Variants in PCDHA2 observed in about 807,000 individuals in gnomAD.
PCDHA2 encodes protocadherin alpha-2.
Under a neutral mutation model 66.0 loss-of-function variants are expected in PCDHA2, and 58 were observed. The observed-to-expected ratio is 0.88, with a 90% CI of 0.71 to 1.09. The LOEUF (loss-of-function observed/expected upper bound fraction) is 1.09. PCDHA2 is among the 50% of genes least tolerant of loss of function. PCDHA2 has a pLI of 0.00. For missense variants in PCDHA2, 1,267 were observed against 1,242.3 expected (o/e 1.02, Z -0.30); for synonymous variants, 634 against 554.0 (o/e 1.14, Z -2.03).
intron 1 of PCDHA2, chr5:140,968,967 A>G (rs782494657): frequency 2.5e-6 from 4 of 1,614,216 alleles, no homozygotes; most frequent in East Asian, 2.2e-5. Context: ...TGCTACCGCT[A>G]CACTGCGTAT....
At chr5:140,968,673 A>G in intron 1 of PCDHA2, 2 of 1,614,168 alleles carry the variant, frequency 1.2e-6, no homozygotes, top group Non-Finnish European at 1.7e-6. Context: ...TTTAAGGTAG[A>G]GCTGCACACA....
intron 1 of PCDHA2, chr5:140,802,047 G>C (rs1361472766): frequency 6.2e-7 from 1 of 1,614,032 alleles, no homozygotes; most frequent in Non-Finnish European, 8.5e-7. Context: ...TTTCAATACG[G>C]ACATGTCAGC....
At chr5:140,975,154 G>C (rs73268051) in intron 1 of PCDHA2, among the ~76,000 whole-genome samples, 1,571 of 152,266 alleles carry the variant, frequency 0.01, 23 homozygotes, top group African/African-American at 0.036. Flanking sequence ...TCAGTTCCTA[G>C]AGAACTGAGG....
At chr5:140,857,192 G>A in intron 1 of PCDHA2, 2 of 1,598,474 alleles carry the variant, frequency 1.3e-6, no homozygotes, top group Non-Finnish European at 1.7e-6. Context: ...AGGAGCCAAC[G>A]GACAGGTCAC....
At chr5:140,928,109 A>C (rs1472439079) in intron 1 of PCDHA2, 1 of 1,613,986 alleles carries the variant, frequency 6.2e-7, no homozygotes, top group African/African-American at 1.3e-5. Context: ...CTGGACCGGG[A>C]GCAGATCAGT....
In PCDHA2 at chr5:140,928,550, C is replaced by T. The variant is rs781857799; in HGVS notation, c.2389-50399C>T. The T allele has an allele frequency of 3.7e-6, 6 of 1,614,160 alleles. No individual in the cohort carries two copies. Among genetic ancestry groups the T allele is most frequent in the South Asian group, 3.3e-5 (3 of 91,084 alleles). On this transcript the variant is annotated intron_variant, in intron 1 of 3. Transcript: ENST00000526136. ...GTGGTAGATAGGAATGACAATTATC[C>T]GGTTATCTTGTTTCCCTTGCCCAGA...
At chr5:140,834,771 C>T (rs2150226115) in intron 1 of PCDHA2, 18 of 1,613,874 alleles carry the variant, frequency 1.1e-5, no homozygotes, top group Middle Eastern at 3.3e-4. Flanking sequence ...TAACGACAAC[C>T]CTCCGGTGTT....
intron 1 of PCDHA2, among the ~76,000 whole-genome samples, chr5:140,901,870 TTTC>T (rs2068953949): frequency 6.6e-6 from 1 of 152,202 alleles, no homozygotes. Flanking sequence ...TCCTCTTCAA[TTTC>T]TTTCATCAGC....
chr5:140,975,527 A>G (rs782267941), intron 1 of PCDHA2, among the ~76,000 whole-genome samples: 2 of 152,220 alleles, frequency 1.3e-5, no homozygotes, highest in Non-Finnish European at 2.9e-5. Context: ...CAGTGGATAT[A>G]TTCTTAATAC....
chr5:140,836,420 G>T, intron 1 of PCDHA2: 1 of 1,613,810 alleles, frequency 6.2e-7, no homozygotes. Flanking sequence ...CAAAGGCGTC[G>T]TCGCGGGCAT....
chr5:140,953,809 G>A (rs1244835717), intron 1 of PCDHA2, among the ~76,000 whole-genome samples: 2 of 152,168 alleles, frequency 1.3e-5, no homozygotes, highest in East Asian at 1.9e-4. Context: ...GTTCTGAGGT[G>A]CATGTGCTAG....
chr5:140,884,285 G>A, intron 1 of PCDHA2: 1 of 1,613,598 alleles, frequency 6.2e-7, no homozygotes. Flanking sequence ...GGTGGAGAGC[G>A]GCCAAGCGCC....
At chr5:140,823,972 C>G (rs140039635) in intron 1 of PCDHA2, 2 of 1,614,108 alleles carry the variant, frequency 1.2e-6, no homozygotes, top group African/African-American at 1.3e-5. Context: ...CGTGTGCACA[C>G]GGGGCAAGCC....
At chr5:141,000,854 G>A (rs2097968530) in intron 3 of PCDHA2, among the ~76,000 whole-genome samples, 1 of 152,010 alleles carries the variant, frequency 6.6e-6, no homozygotes, top group Non-Finnish European at 1.5e-5. Flanking sequence ...CTGGCAGTCA[G>A]CCATGACCTC....
chr5:140,905,215 AAGGTG>A (rs2071683869), intron 1 of PCDHA2, among the ~76,000 whole-genome samples: 1 of 152,186 alleles, frequency 6.6e-6, no homozygotes, highest in Non-Finnish European at 1.5e-5. Flanking sequence ...ATTTTTGTGT[AAGGTG>A]AGAGATGAGG....
intron 1 of PCDHA2, among the ~76,000 whole-genome samples, chr5:140,900,339 G>A (rs1019458960): frequency 7.2e-5 from 11 of 151,812 alleles, no homozygotes; most frequent in East Asian, 2.0e-4. Context: ...GTACCGTGGC[G>A]CAATCTTGGC....
rs371069140 is a variant in PCDHA2, at chr5:141,011,291, A to G, written c.*1354A>G. ...CTCTTTGGTTTAGTTTTCCTTTTCT[A>G]TAACACTCTGAATTGCTAATCTTAC... is the stretch of plus-strand genomic sequence containing the variant. On this transcript the variant is annotated 3_prime_UTR_variant, in exon 4 of 4. Coordinates refer to ENST00000526136, the MANE Select transcript of PCDHA2 (RefSeq NM_018905.3). 6 of 153,852 alleles carry G rather than the reference A, an allele frequency of 3.9e-5. No homozygotes were observed. The highest frequency in any genetic ancestry group is 8.8e-5 in the Non-Finnish European group (6 of 68,024). 9.5% of individuals were successfully genotyped at this position (153,852 alleles called of 1,614,324 possible).
chr5:140,849,588 C>A (rs2150441639), intron 1 of PCDHA2: 12 of 1,598,674 alleles, frequency 7.5e-6, no homozygotes, highest in Non-Finnish European at 1.0e-5. Flanking sequence ...GGACGCACAA[C>A]TGGGGACAGT....
intron 1 of PCDHA2, among the ~76,000 whole-genome samples, chr5:140,934,619 C>G (rs1403192448): frequency 1.3e-5 from 2 of 152,028 alleles, no homozygotes; most frequent in Non-Finnish European, 2.9e-5. Flanking sequence ...GCCTGAGGTA[C>G]AGTTCACACA....
Sources: gnomAD v4.1 joint callset for allele counts (sites outside exome capture counted in the v4.1 genomes callset) on GRCh38, gnomAD v4.1.1 for gene constraint, MANE v1.5 for transcripts, NCBI Gene and HGNC (gene_info 2026-07-23, HGNC 2026-07-21) for gene names.